The following HDAC9 variants were observed in gnomAD, a reference collection of about 807,000 sequenced individuals.
The protein encoded by HDAC9 is histone deacetylase 9, also known as MEF-2 interacting transcription repressor (MITR) protein.
HDAC9 carries 41 observed loss-of-function variants against 139.4 expected under a neutral mutation model. The observed-to-expected ratio is 0.29, with a 90% CI of 0.23 to 0.38. The LOEUF (loss-of-function observed/expected upper bound fraction) is 0.38, where lower values mean the gene tolerates loss of function less well. Among genes scored for constraint, HDAC9 ranks in the 10% least tolerant of loss-of-function variants. HDAC9 has a pLI of 1.00. For synonymous variants in HDAC9, 517 were observed against 476.2 expected, an observed-to-expected ratio of 1.09 and a Z score of -1.12; for missense variants, 1,147 against 1,297.0, an observed-to-expected ratio of 0.88 and a Z score of 1.78.
intron 2 of HDAC9, among the ~76,000 whole-genome samples, chr7:18,176,690 T>C (rs1788933610): frequency 6.6e-6 from 1 of 152,222 alleles, no homozygotes; most frequent in Non-Finnish European, 1.5e-5. Context: ...ATGTGCAGAT[T>C]TGTTATACAG....
chr7:18,845,516 C>T (rs1192956758), intron 21 of HDAC9, among the ~76,000 whole-genome samples: 4 of 152,138 alleles, frequency 2.6e-5, no homozygotes, highest in Admixed American at 1.3e-4. Context: ...AACTGAACCA[C>T]GAGGTTGCCT....
At chr7:18,844,841 AT>A (rs1246346532) in intron 21 of HDAC9, among the ~76,000 whole-genome samples, 8 of 152,048 alleles carry the variant, frequency 5.3e-5, no homozygotes, top group African/African-American at 1.9e-4. Context: ...TAGGCCTCTG[AT>A]TTTGCTTTAT....
At chr7:18,100,346 C>T (rs1206116517) in intron 1 of HDAC9, among the ~76,000 whole-genome samples, 1 of 151,860 alleles carries the variant, frequency 6.6e-6, no homozygotes, top group African/African-American at 2.4e-5. Flanking sequence ...TAATAGTTTC[C>T]ATCAAATTTG....
intron 2 of HDAC9, among the ~76,000 whole-genome samples, chr7:18,181,989 A>G (rs1218175751): frequency 6.6e-6 from 1 of 152,188 alleles, no homozygotes; most frequent in East Asian, 1.9e-4. Flanking sequence ...AATATCCTTG[A>G]TGGATGTGTA....
chr7:18,836,511 A>G lies in HDAC9; in HGVS notation c.2684+514A>G, dbSNP rs1796248388. On this transcript the variant is annotated intron_variant, in intron 21 of 25. Transcript: ENST00000686413. ...ATGACTTTTGTATAGTTTTCCTTTC[A>G]CATGAAAACATTAACTAATTAATTG... Among the ~76,000 whole-genome samples, 3 of 152,278 alleles carry G rather than the reference A, an allele frequency of 2.0e-5. No individual in the cohort carries two copies. The South Asian group carries it at 6.2e-4, about 32-fold the overall frequency.
chr7:18,820,357 C>G (rs1794872442), intron 17 of HDAC9, among the ~76,000 whole-genome samples: 1 of 152,114 alleles, frequency 6.6e-6, no homozygotes, highest in Non-Finnish European at 1.5e-5. Context: ...CAGAAAAATA[C>G]TATACAAATT....
intron 2 of HDAC9, among the ~76,000 whole-genome samples, chr7:18,179,806 A>G (rs1789246065): frequency 6.6e-6 from 1 of 152,224 alleles, no homozygotes. Flanking sequence ...AAAATATGTC[A>G]TGAATTTGTT....
intron 1 of HDAC9, among the ~76,000 whole-genome samples, chr7:18,328,242 G>A (rs1406120060): frequency 6.6e-6 from 1 of 151,894 alleles, no homozygotes; most frequent in Non-Finnish European, 1.5e-5. Context: ...TTTTTGCAAC[G>A]TGGAATTGCC....
chr7:18,247,156 C>G (rs1794607491), intron 2 of HDAC9, among the ~76,000 whole-genome samples: 2 of 151,822 alleles, frequency 1.3e-5, no homozygotes, highest in African/African-American at 4.8e-5. Flanking sequence ...TGGGATATGT[C>G]TGTCTGGAGT....
intron 1 of HDAC9, among the ~76,000 whole-genome samples, chr7:18,120,808 G>C (rs1002049588): frequency 6.6e-6 from 1 of 152,116 alleles, no homozygotes; most frequent in African/African-American, 2.4e-5. Context: ...GCTTCTCTTT[G>C]TATCTTTCAA....
intron 12 of HDAC9, among the ~76,000 whole-genome samples, chr7:18,701,531 T>A (rs1007122604): frequency 6.6e-6 from 1 of 152,190 alleles, no homozygotes; most frequent in African/African-American, 2.4e-5. Context: ...AGATGAGTTA[T>A]TTTTTGTTAA....
intron 2 of HDAC9, among the ~76,000 whole-genome samples, chr7:18,536,359 C>G (rs1209920970): frequency 6.6e-6 from 1 of 152,124 alleles, no homozygotes; most frequent in East Asian, 1.9e-4. Context: ...CAGCTCCCAC[C>G]TAAACCACAA....
chr7:18,484,148 G>A (rs1795792683), intron 1 of HDAC9, among the ~76,000 whole-genome samples: 1 of 147,630 alleles, frequency 6.8e-6, no homozygotes, highest in African/African-American at 2.5e-5. Flanking sequence ...TTCAAGCCTA[G>A]GCAACAAAGC....
chr7:18,111,581 C>T (rs1226522760), intron 1 of HDAC9, among the ~76,000 whole-genome samples: 3 of 152,052 alleles, frequency 2.0e-5, no homozygotes, highest in Non-Finnish European at 4.4e-5. Flanking sequence ...TACTTTAAAT[C>T]GTCTCTATAT....
chr7:18,514,789 G>A (rs1040655759), intron 2 of HDAC9, among the ~76,000 whole-genome samples: 2 of 151,760 alleles, frequency 1.3e-5, no homozygotes, highest in Admixed American at 6.6e-5. Flanking sequence ...AAATAAAAAC[G>A]AAAAATAATT....
intron 1 of HDAC9, chr7:18,087,850 G>T (rs1308814055): frequency 2.6e-5 from 4 of 152,418 alleles, no homozygotes; most frequent in African/African-American, 9.6e-5. Flanking sequence ...GGCTGCGTTT[G>T]TTTGGCTTTG....
intron 21 of HDAC9, among the ~76,000 whole-genome samples, chr7:18,868,695 A>T (rs548980321): frequency 6.6e-6 from 1 of 152,084 alleles, no homozygotes; most frequent in African/African-American, 2.4e-5. Flanking sequence ...AAGTAATGTC[A>T]TTAAAAGTAA....
At position 18,205,541 on chromosome 7, in the gene HDAC9, C is replaced by T. The variant is rs560342031; in HGVS notation, c.25+43192C>T. Among the ~76,000 whole-genome samples the T allele has an allele frequency of 1.2e-4, 18 of 152,134 alleles. No individual in the cohort carries two copies. The South Asian group carries it at 3.5e-3, about 30-fold the overall frequency. ...GGAGAGATGAACAAAGCACTGATAG[C>T]ACCGAGGTGACAGTATATTTTTACC... On this transcript the variant is annotated intron_variant, in intron 2 of 12. Coordinates refer to the HDAC9 transcript ENST00000417496.
chr7:18,294,445 A>T (rs948079341), intron 1 of HDAC9, among the ~76,000 whole-genome samples: 27 of 152,122 alleles, frequency 1.8e-4, no homozygotes, highest in African/African-American at 6.5e-4. Flanking sequence ...GGGATCAAGG[A>T]TAGTTTCTCA....
Sources: allele counts gnomAD v4.1 joint callset (sites outside exome capture counted in the v4.1 genomes callset), GRCh38; gene constraint gnomAD v4.1.1; transcripts MANE v1.5; gene names NCBI Gene and HGNC (gene_info 2026-07-23, HGNC 2026-07-21).